YAF2: variants seen among roughly 807,000 people sequenced by gnomAD.
YAF2 encodes YY1-associated factor 2.
In YAF2, 7 loss-of-function variants were observed where a neutral mutation model predicts 20.1. That is an observed-to-expected ratio of 0.35 (90% CI 0.20 to 0.65). The LOEUF (loss-of-function observed/expected upper bound fraction) is 0.65. Ranked by LOEUF, YAF2 falls within the 30% of genes least tolerant of loss-of-function variation. YAF2 has a pLI of 0.69. For synonymous variants in YAF2, 74 were observed against 76.0 expected (o/e 0.97, Z 0.14); for missense variants, 151 against 219.2 (o/e 0.69, Z 1.96).
chr12:42,173,591 T>C (rs1473403277), intron 2 of YAF2, among the ~76,000 whole-genome samples: 4 of 152,156 alleles, frequency 2.6e-5, no homozygotes, highest in Non-Finnish European at 1.5e-5. Flanking sequence ...CCCTTTCCAT[T>C]TTTCTTTCAT....
At position 42,237,639 on chromosome 12, in the gene YAF2, T is replaced by C; in HGVS notation, c.112A>G (p.Lys38Glu). The part of the protein sequence containing the change: ...CTFRNSAEAF[K>E]CMMCDVRKGT... ...TTCCGCACATCGCACATCATGCACT[T>C]GAAGGCCTCGGCGCTGTTCCGGAAG... The change falls in exon 2 of 4, where the codon AAG becomes GAG. Residue 38 changes from lysine to glutamate, a missense_variant. By Grantham distance (56) the Lys-to-Glu change is moderately conservative. Around this residue, in one of 3 missense-constraint regions of YAF2, gnomAD observed 50 missense variants for 58.3 expected, o/e 0.86. Coordinates refer to ENST00000534854, the MANE Select transcript of YAF2 (RefSeq NM_005748.6). 2 of 1,571,082 alleles carry C rather than the reference T, an allele frequency of 1.3e-6. No homozygotes were observed. The highest frequency in any genetic ancestry group is 1.8e-5 in the Admixed American group (1 of 54,146).
chr12:42,200,938 GATA>G (rs1333405699), intron 2 of YAF2, among the ~76,000 whole-genome samples: 1 of 152,154 alleles, frequency 6.6e-6, no homozygotes, highest in African/African-American at 2.4e-5. Context: ...GCAAAATGAA[GATA>G]ATGATAGTAC....
At chr12:42,205,341 T>G (rs1366345303) in intron 2 of YAF2, among the ~76,000 whole-genome samples, 1 of 152,052 alleles carries the variant, frequency 6.6e-6, no homozygotes, top group African/African-American at 2.4e-5. Flanking sequence ...CAGCTTTGAC[T>G]GATCACGACA....
chr12:42,176,137 T>A (rs2066184481), intron 2 of YAF2, among the ~76,000 whole-genome samples: 1 of 150,942 alleles, frequency 6.6e-6, no homozygotes. Context: ...TCCCACTTAC[T>A]CAGGAGGCTG....
intron 2 of YAF2, among the ~76,000 whole-genome samples, chr12:42,227,774 G>T (rs1237947859): frequency 2.1e-5 from 3 of 140,748 alleles, no homozygotes; most frequent in Non-Finnish European, 4.7e-5. Flanking sequence ...CGCCTGGCCA[G>T]CGTGCTGTCC....
At chr12:42,207,755 G>A (rs924882609) in intron 2 of YAF2, among the ~76,000 whole-genome samples, 1 of 151,974 alleles carries the variant, frequency 6.6e-6, no homozygotes, top group African/African-American at 2.4e-5. Context: ...GCCGGGCGTC[G>A]TGGCGGGCGC....
chr12:42,171,066 A>G (rs1387925324), intron 2 of YAF2, among the ~76,000 whole-genome samples: 1 of 151,758 alleles, frequency 6.6e-6, no homozygotes, highest in Non-Finnish European at 1.5e-5. Flanking sequence ...GATCTCGGCT[A>G]ACTGCAACCT....
chr12:42,223,359 T>C (rs1043805747), intron 2 of YAF2, among the ~76,000 whole-genome samples: 2 of 150,044 alleles, frequency 1.3e-5, no homozygotes, highest in Admixed American at 1.3e-4. Context: ...CACACACATA[T>C]ATATACACAC....
At chr12:42,166,564 TAC>T (rs1262647760) in intron 2 of YAF2, among the ~76,000 whole-genome samples, 3 of 152,244 alleles carry the variant, frequency 2.0e-5, no homozygotes, top group Non-Finnish European at 4.4e-5. Flanking sequence ...AAATCATATA[TAC>T]TTTTTGTGCT....
At chr12:42,195,927 G>A (rs966758747) in intron 2 of YAF2, among the ~76,000 whole-genome samples, 4 of 152,036 alleles carry the variant, frequency 2.6e-5, no homozygotes, top group Admixed American at 1.3e-4. Flanking sequence ...CAGAGACAGA[G>A]AATGGGAGGA....
intron 2 of YAF2, among the ~76,000 whole-genome samples, chr12:42,204,294 A>C (rs2066979721): frequency 6.6e-6 from 1 of 152,056 alleles, no homozygotes; most frequent in Non-Finnish European, 1.5e-5. Flanking sequence ...CAGCAATTTC[A>C]CTCCTAGGTA....
intron 2 of YAF2, among the ~76,000 whole-genome samples, chr12:42,173,208 C>T (rs2066095786): frequency 1.3e-5 from 2 of 152,294 alleles, no homozygotes; most frequent in Non-Finnish European, 1.5e-5. Flanking sequence ...CTTTCTTTCT[C>T]AGCCTCTTGA....
chr12:42,185,740 T>C (rs930353811), intron 2 of YAF2, among the ~76,000 whole-genome samples: 1 of 152,224 alleles, frequency 6.6e-6, no homozygotes, highest in African/African-American at 2.4e-5. Flanking sequence ...TTTTTGGATA[T>C]AATGCTATTA....
At chr12:42,210,761 A>G in intron 2 of YAF2, 4 of 1,305,586 alleles carry the variant, frequency 3.1e-6, no homozygotes, top group Non-Finnish European at 4.1e-6. Context: ...TAAATTCACT[A>G]GATAACTATA....
intron 3 of YAF2, 174 bp from the exon 4 acceptor site, chr12:42,161,000 A>G: frequency 1.7e-6 from 1 of 590,194 alleles, no homozygotes; most frequent in South Asian, 2.3e-5. Context: ...AACATTAATC[A>G]AACCAATCAT....
intron 2 of YAF2, among the ~76,000 whole-genome samples, chr12:42,195,348 G>C (rs377747490): frequency 6.6e-6 from 1 of 152,144 alleles, no homozygotes; most frequent in African/African-American, 2.4e-5. Flanking sequence ...TGAAATTGTG[G>C]CATTAAACAT....
chr12:42,230,795 A>C (rs771885140), intron 2 of YAF2, among the ~76,000 whole-genome samples: 2 of 152,214 alleles, frequency 1.3e-5, no homozygotes, highest in Non-Finnish European at 1.5e-5. Flanking sequence ...GGGAGGCAGA[A>C]ATGGGTTTCA....
chr12:42,223,611 T>A (rs2137322096), intron 2 of YAF2, among the ~76,000 whole-genome samples: 1 of 152,242 alleles, frequency 6.6e-6, no homozygotes, highest in East Asian at 1.9e-4. Context: ...TCCTCCTGCC[T>A]CAGCCTGTAA....
rs2065776203 is a variant in YAF2, at chr12:42,160,563, G to A, written c.*26C>T. On this transcript the variant is annotated 3_prime_UTR_variant, in exon 4 of 4. Transcript: ENST00000534854. ...TGTATTTGCATGGTAGGACAGAAGT[G>A]ACTAAGAAATTGGAGAAAATAAACT... is the stretch of plus-strand genomic sequence containing the variant. 6.3e-7 allele frequency: 1 copy of A among 1,575,912 alleles called. No homozygotes were observed.
Sources: allele counts gnomAD v4.1 joint callset (sites outside exome capture counted in the v4.1 genomes callset), GRCh38; gene constraint gnomAD v4.1.1; regional missense constraint gnomAD v4.1.1; transcripts MANE v1.5; gene names NCBI Gene and HGNC (gene_info 2026-07-23, HGNC 2026-07-21).